The following CSMD3 variants were observed in gnomAD, a reference collection of about 807,000 sequenced individuals.
CSMD3 encodes CUB and sushi domain-containing protein 3.
In CSMD3, 177 loss-of-function variants were observed where a neutral mutation model predicts 435.2. That is an observed-to-expected ratio of 0.41 (90% CI 0.36 to 0.46). The LOEUF (loss-of-function observed/expected upper bound fraction) is 0.46, where lower values mean the gene tolerates loss of function less well. Ranked by LOEUF, CSMD3 falls within the 20% of genes least tolerant of loss-of-function variation. CSMD3 has a pLI of 0.34. For synonymous variants in CSMD3, 1,656 were observed against 1,520.5 expected, an observed-to-expected ratio of 1.09 and a Z score of -2.07; for missense variants, 4,265 against 4,504.6, an observed-to-expected ratio of 0.95 and a Z score of 1.52.
intron 32 of CSMD3, among the ~76,000 whole-genome samples, chr8:112,445,278 A>T (rs1815470866): frequency 6.6e-6 from 1 of 152,156 alleles, no homozygotes; most frequent in African/African-American, 2.4e-5. Context: ...GACATTGTTA[A>T]TAAGAAAGGG....
In CSMD3 at chr8:112,788,930, A is replaced by T. The variant is rs184097352; in HGVS notation, c.1972+11232T>A. Among the ~76,000 whole-genome samples, 27 of 152,236 alleles carry T rather than the reference A, an allele frequency of 1.8e-4. No individual in the cohort carries two copies. The East Asian group carries it at 4.8e-3, about 27-fold the overall frequency. ...CAGAATCAACCTTACTCAAATATAAACATTTTCATGAGTCATGCTTAAAAG... is the reference window on the plus strand; with the variant it reads ...CAGAATCAACCTTACTCAAATATAATCATTTTCATGAGTCATGCTTAAAAG... On this transcript the variant is annotated intron_variant, in intron 13 of 70. Coordinates refer to ENST00000297405, the MANE Select transcript of CSMD3 (RefSeq NM_198123.2).
chr8:112,909,728 G>A (rs1329313577), intron 10 of CSMD3, among the ~76,000 whole-genome samples: 2 of 151,768 alleles, frequency 1.3e-5, no homozygotes, highest in African/African-American at 2.4e-5. Flanking sequence ...ATTTAGTTCT[G>A]ACCTCATTTC....
At chr8:113,393,987 A>G (rs1448692693) in intron 1 of CSMD3, among the ~76,000 whole-genome samples, 1 of 152,106 alleles carries the variant, frequency 6.6e-6, no homozygotes, top group Non-Finnish European at 1.5e-5. Context: ...GCTTAATTTT[A>G]TAAAGTGAGG....
intron 58 of CSMD3, among the ~76,000 whole-genome samples, chr8:112,283,680 C>T (rs1352318889): frequency 3.3e-5 from 5 of 151,452 alleles, no homozygotes; most frequent in Non-Finnish European, 5.9e-5. Context: ...TAATAATTTA[C>T]CTAACCAATT....
At chr8:112,562,317 A>G (rs1828698686) in intron 24 of CSMD3, among the ~76,000 whole-genome samples, 2 of 151,700 alleles carry the variant, frequency 1.3e-5, no homozygotes, top group Non-Finnish European at 3.0e-5. Context: ...GACATGTGAA[A>G]ATTCATTTTT....
intron 12 of CSMD3, among the ~76,000 whole-genome samples, chr8:112,817,491 T>G (rs976000454): frequency 1.4e-4 from 22 of 152,104 alleles, no homozygotes; most frequent in African/African-American, 5.3e-4. Flanking sequence ...TAAAATATTA[T>G]TGTTCAAATC....
chr8:112,728,439 T>C (rs1359405701), intron 13 of CSMD3, among the ~76,000 whole-genome samples: 1 of 152,022 alleles, frequency 6.6e-6, no homozygotes, highest in Non-Finnish European at 1.5e-5. Flanking sequence ...AATGGACATA[T>C]ACAAAACCAA....
intron 13 of CSMD3, among the ~76,000 whole-genome samples, chr8:112,716,283 G>T (rs2076726314): frequency 6.6e-6 from 1 of 152,070 alleles, no homozygotes; most frequent in African/African-American, 2.4e-5. Context: ...GCCAACTATA[G>T]ATAAGCAGAG....
At chr8:113,364,157 T>C (rs556144542) in intron 1 of CSMD3, among the ~76,000 whole-genome samples, 2 of 152,302 alleles carry the variant, frequency 1.3e-5, no homozygotes, top group South Asian at 2.1e-4. Context: ...TCTGGAGCCA[T>C]TGGCTTACTT....
chr8:112,293,692 T>C (rs1250551408), intron 54 of CSMD3, among the ~76,000 whole-genome samples: 2 of 152,114 alleles, frequency 1.3e-5, no homozygotes, highest in East Asian at 1.9e-4. Flanking sequence ...TAGTGCTGGC[T>C]TTCCCCAAAC....
chr8:112,454,877 C>A (rs1196136278), intron 32 of CSMD3, among the ~76,000 whole-genome samples: 2 of 151,826 alleles, frequency 1.3e-5, no homozygotes, highest in Non-Finnish European at 2.9e-5. Context: ...GTGACTGTGT[C>A]TCTACAAAAT....
chr8:113,046,138 T>A (rs968033311), intron 5 of CSMD3, among the ~76,000 whole-genome samples: 1 of 148,984 alleles, frequency 6.7e-6, no homozygotes, highest in Admixed American at 6.7e-5. Flanking sequence ...CTATTCTCAT[T>A]GCCCAGTCAG....
intron 1 of CSMD3, among the ~76,000 whole-genome samples, chr8:113,414,767 C>A (rs778038687): frequency 5.5e-4 from 84 of 151,710 alleles, no homozygotes; most frequent in Non-Finnish European, 1.1e-3. Flanking sequence ...TCAAGACCAG[C>A]CTGAGCAACA....
intron 9 of CSMD3, among the ~76,000 whole-genome samples, chr8:112,936,675 A>G (rs2083290684): frequency 6.6e-6 from 1 of 152,122 alleles, no homozygotes; most frequent in Admixed American, 6.6e-5. Context: ...TAGAACTGAA[A>G]TTACTCTTGG....
intron 23 of CSMD3, among the ~76,000 whole-genome samples, chr8:112,575,514 A>G (rs942399438): frequency 1.1e-4 from 16 of 152,058 alleles, no homozygotes; most frequent in African/African-American, 3.9e-4. Flanking sequence ...TCTTGAGAGT[A>G]TTTGGATACT....
rs61753737 is a variant in CSMD3 at position 112,263,801 on chromosome 8, G to A, written c.9700C>T (p.Pro3234Ser). ...CCATTAGAGATCTGGGGAGGAGTTGGGCAGGTAACAGCTGCAATTACATTA... is the reference window on the plus strand; with the variant it reads ...CCATTAGAGATCTGGGGAGGAGTTGAGCAGGTAACAGCTGCAATTACATTA... ...VMPTCRAVTC[P>S]TPPQISNGRL... The change falls in exon 61 of 71, where the codon CCA becomes TCA. Residue 3234 changes from proline to serine, a missense_variant. This residue lies in a region of CSMD3 where 3,255 missense variants were observed against 3,380.2 expected (regional missense o/e 0.96). Coordinates refer to ENST00000297405, the MANE Select transcript of CSMD3 (RefSeq NM_198123.2). 1,632 of 1,613,694 alleles carry A rather than the reference G, an allele frequency of 1.0e-3. 1 individual carries two copies. The highest frequency in any genetic ancestry group is 1.3e-3 in the Non-Finnish European group (1,570 of 1,179,696).
chr8:112,903,295 G>A (rs1456737984), intron 10 of CSMD3, among the ~76,000 whole-genome samples: 1 of 151,086 alleles, frequency 6.6e-6, no homozygotes, highest in Admixed American at 6.6e-5. Context: ...ATTTGGTTGA[G>A]ATTCCTGAGA....
chr8:112,345,308 C>G (rs542027471), intron 41 of CSMD3, among the ~76,000 whole-genome samples: 130 of 152,224 alleles, frequency 8.5e-4, no homozygotes, highest in African/African-American at 3.0e-3. Flanking sequence ...TGCAGCATTA[C>G]TCACAATGGA....
At chr8:113,073,567 C>A (rs2089218588) in intron 5 of CSMD3, among the ~76,000 whole-genome samples, 1 of 151,808 alleles carries the variant, frequency 6.6e-6, no homozygotes, top group East Asian at 1.9e-4. Context: ...GAAGCTCATC[C>A]AGCTTGCTGT....
Sources: gnomAD v4.1 joint callset for allele counts (sites outside exome capture counted in the v4.1 genomes callset) on GRCh38, gnomAD v4.1.1 for gene constraint, gnomAD v4.1.1 regional missense constraint, MANE v1.5 for transcripts, NCBI Gene and HGNC (gene_info 2026-07-23, HGNC 2026-07-21) for gene names.